The following UBN2 variants were observed in gnomAD, a reference collection of about 807,000 sequenced individuals.
UBN2 encodes ubinuclein-2.
Under a neutral mutation model 120.2 loss-of-function variants are expected in UBN2, and 35 were observed. The ratio of observed to expected loss-of-function variants is 0.29; its 90% CI spans 0.22 to 0.39. The LOEUF (loss-of-function observed/expected upper bound fraction) is 0.39, where lower values mean the gene tolerates loss of function less well. Among genes scored for constraint, UBN2 ranks in the 10% least tolerant of loss-of-function variants. UBN2 has a pLI of 1.00. For missense variants in UBN2, 1,693 were observed against 1,663.2 expected, an observed-to-expected ratio of 1.02 and a Z score of -0.31; for synonymous variants, 661 against 648.7, an observed-to-expected ratio of 1.02 and a Z score of -0.29.
intron 2 of UBN2, among the ~76,000 whole-genome samples, chr7:139,244,020 C>T (rs952067455): frequency 6.6e-6 from 1 of 152,104 alleles, no homozygotes; most frequent in Admixed American, 6.6e-5. Flanking sequence ...TAGTACATGT[C>T]CTTAATAAAA....
chr7:139,278,347 A>G (rs1797508231), intron 12 of UBN2, among the ~76,000 whole-genome samples: 3 of 151,734 alleles, frequency 2.0e-5, no homozygotes, highest in Non-Finnish European at 4.4e-5. Flanking sequence ...ACGCCTGGCT[A>G]ATGTTTGTAT....
intron 14 of UBN2, among the ~76,000 whole-genome samples, chr7:139,282,476 A>G (rs976101561): frequency 6.6e-6 from 1 of 152,212 alleles, no homozygotes; most frequent in African/African-American, 2.4e-5. Flanking sequence ...AATAAATAGC[A>G]TAATTTATTT....
chr7:139,255,632 T>G (rs540036459), intron 3 of UBN2, among the ~76,000 whole-genome samples: 4 of 150,306 alleles, frequency 2.7e-5, no homozygotes, highest in Non-Finnish European at 4.5e-5. Flanking sequence ...ATATTATTTG[T>G]TTTTTTTTAA....
intron 3 of UBN2, among the ~76,000 whole-genome samples, chr7:139,256,742 TA>T (rs757219222): frequency 1.3e-5 from 2 of 152,248 alleles, no homozygotes; most frequent in Non-Finnish European, 2.9e-5. Context: ...CCCTTTTCTG[TA>T]AGATCTTTAT....
At chr7:139,317,964 A>T in the UBN2 span, among the ~76,000 whole-genome samples, 50 of 152,170 alleles carry the variant, frequency 3.3e-4, no homozygotes, top group Non-Finnish European at 5.6e-4. Context: ...CACGCAGCCC[A>T]ACTATTATTG....
the UBN2 span, among the ~76,000 whole-genome samples, chr7:139,318,157 T>A: frequency 5.3e-5 from 8 of 152,214 alleles, no homozygotes; most frequent in Non-Finnish European, 1.2e-4. Context: ...TCTCTTTTGA[T>A]GTGATTGTAC....
intron 2 of UBN2, among the ~76,000 whole-genome samples, chr7:139,250,694 A>T (rs1796601650): frequency 6.6e-6 from 1 of 152,192 alleles, no homozygotes; most frequent in Non-Finnish European, 1.5e-5. Flanking sequence ...TGACATTGGC[A>T]TAATACAGTC....
At chr7:139,326,256 AAAACAAACAAAC>A in the UBN2 span, among the ~76,000 whole-genome samples, 31 of 151,662 alleles carry the variant, frequency 2.0e-4, no homozygotes, top group East Asian at 1.2e-3. Flanking sequence ...ACTCTGTCTC[AAAACAAACAAAC>A]AAACAAACAA....
intron 5 of UBN2, among the ~76,000 whole-genome samples, chr7:139,259,837 C>T (rs1247084531): frequency 6.6e-6 from 1 of 152,164 alleles, no homozygotes; most frequent in Non-Finnish European, 1.5e-5. Flanking sequence ...CAACTCCCAT[C>T]TCCTGGGTTC....
At chr7:139,313,769 G>T in the UBN2 span, among the ~76,000 whole-genome samples, 1 of 151,946 alleles carries the variant, frequency 6.6e-6, no homozygotes, top group Non-Finnish European at 1.5e-5. Flanking sequence ...CTAATTTTCT[G>T]GGAAGGTTGA....
At chr7:139,246,809 G>A (rs537477134) in intron 2 of UBN2, among the ~76,000 whole-genome samples, 1 of 152,086 alleles carries the variant, frequency 6.6e-6, no homozygotes, top group African/African-American at 2.4e-5. Context: ...TCCTGTAAAT[G>A]GAATCTCATG....
chr7:139,278,487 C>CGA (rs1797513018), intron 12 of UBN2, among the ~76,000 whole-genome samples: 1 of 152,032 alleles, frequency 6.6e-6, no homozygotes. Flanking sequence ...CCTCCTTCTC[C>CGA]CTTTTTTTAA....
rs770309676 is a variant in UBN2, at chr7:139,293,489, G to A, written c.3901+26G>A. The A allele has an allele frequency of 1.9e-6, 3 of 1,601,346 alleles. No homozygotes were observed. The African/African-American group carries it at 4.0e-5, about 21-fold the overall frequency. ...GTAAGTGGGGCTCTTCTATTTGGTT[G>A]GGCTGTCTAGCTTGACAGAACAGGA... On this transcript the variant is annotated intron_variant, in intron 16 of 17. Coordinates refer to ENST00000473989, the MANE Select transcript of UBN2 (RefSeq NM_173569.4).
In UBN2 at chr7:139,302,950, G is replaced by A. The variant is rs1798294710; in HGVS notation, c.*5114G>A. On this transcript the variant is annotated 3_prime_UTR_variant, in exon 18 of 18. Transcript: ENST00000473989. ...ACCTTGCAAGTCACATTGGTAAGGT[G>A]CGCTAGACTAAACATGTGACAAGGC... The A allele has an allele frequency of 6.6e-6, 1 of 152,168 alleles. No homozygotes were observed. Among genetic ancestry groups the A allele is most frequent in the South Asian group, 2.1e-4 (1 of 4,832 alleles). The allele number at this position is 152,168 out of a possible 1,614,324, so 9.4% of individuals were successfully genotyped here. A position where few individuals can be genotyped will look rare whatever the true frequency, so the allele number is the denominator to read the frequency against.
chr7:139,310,144 A>T (rs1798428890), downstream of UBN2, among the ~76,000 whole-genome samples: 1 of 152,120 alleles, frequency 6.6e-6, no homozygotes, highest in South Asian at 2.1e-4. Context: ...ACCTTAGTAG[A>T]TCCTAACATT....
At position 139,231,734 on chromosome 7, in the gene UBN2, A is replaced by T; in HGVS notation, c.250A>T (p.Met84Leu). 1 of 1,196,930 alleles carries T rather than the reference A, an allele frequency of 8.4e-7. No homozygotes were observed. The highest frequency in any genetic ancestry group is 1.0e-6 in the Non-Finnish European group (1 of 970,512). 74.1% of individuals were successfully genotyped at this position (1,196,930 alleles called of 1,614,324 possible). Reference protein sequence around the residue: ...QREVSRAEPPMSLQREPPRPE... With the variant: ...QREVSRAEPPLSLQREPPRPE... The stretch of plus-strand genomic sequence containing the variant: ...CGAGGTCAGCCGCGCCGAGCCGCCC[A>T]TGTCGCTGCAGCGGGAGCCCCCGCG... Residue 84 changes from methionine to leucine, a missense_variant, in exon 1 of 18, where the codon ATG becomes TTG. This residue lies in a region of UBN2 where 663 missense variants were observed against 591.2 expected (regional missense o/e 1.12). Coordinates refer to ENST00000473989, the MANE Select transcript of UBN2 (RefSeq NM_173569.4).
At chr7:139,235,745 A>C (rs1304269357) in intron 1 of UBN2, among the ~76,000 whole-genome samples, 2 of 152,150 alleles carry the variant, frequency 1.3e-5, no homozygotes, top group Non-Finnish European at 2.9e-5. Context: ...CTATTCTATA[A>C]ATTTATTACT....
intron 15 of UBN2, among the ~76,000 whole-genome samples, chr7:139,285,426 C>T (rs996586382): frequency 1.3e-5 from 2 of 152,200 alleles, no homozygotes; most frequent in Admixed American, 6.5e-5. Context: ...CTTGAGTAGG[C>T]GTAGCCTTCT....
At chr7:139,244,885 C>T (rs916259654) in intron 2 of UBN2, among the ~76,000 whole-genome samples, 30 of 151,934 alleles carry the variant, frequency 2.0e-4, no homozygotes, top group Middle Eastern at 3.2e-3. Flanking sequence ...ATTTAGGAAA[C>T]TCTTCTTGTT....
Sources: gnomAD v4.1 joint callset for allele counts (sites outside exome capture counted in the v4.1 genomes callset) on GRCh38, gnomAD v4.1.1 for gene constraint, gnomAD v4.1.1 regional missense constraint, MANE v1.5 for transcripts, NCBI Gene and HGNC (gene_info 2026-07-23, HGNC 2026-07-21) for gene names.